Variants in PCDHGA9 observed in about 807,000 individuals in gnomAD.
PCDHGA9 encodes the protein protocadherin gamma-A9.
PCDHGA9 carries 37 observed loss-of-function variants against 62.5 expected under a neutral mutation model. The observed-to-expected ratio is 0.59, with a 90% CI of 0.46 to 0.78. PCDHGA9 has a LOEUF of 0.78. PCDHGA9 is among the 30% of genes least tolerant of loss of function. The pLI is 0.00. For missense variants in PCDHGA9, 1,138 were observed against 1,166.2 expected, an observed-to-expected ratio of 0.98 and a Z score of 0.35; for synonymous variants, 459 against 484.6, an observed-to-expected ratio of 0.95 and a Z score of 0.69.
chr5:141,494,815 G>T lies in PCDHGA9; in HGVS notation c.2433G>T (p.Pro811=). The change falls in exon 2 of 4, where the codon CCG becomes CCT. Residue 811 remains proline, a synonymous_variant. Transcript: ENST00000573521. ...CTCTGTTTTCTCCACAGCAAGCCCC[G>T]CCCAACACGGACTGGCGTTTCTCTC... The part of the protein sequence containing the change: ...IEDTPLVPQA[P]PNTDWRFSQA... 1.2e-6 allele frequency: 2 copies of T among 1,613,976 alleles called. No individual in the cohort carries two copies. The highest frequency in any genetic ancestry group is 1.1e-5 in the South Asian group (1 of 91,072).
chr5:141,405,494 A>G, intron 1 of PCDHGA9, 118 bp downstream of exon 1: 1 of 840,532 alleles, frequency 1.2e-6, no homozygotes, highest in Non-Finnish European at 1.8e-6. Context: ...ATCTCGGCTC[A>G]TTGCAACCTC....
At position 141,431,270 on chromosome 5, in the gene PCDHGA9, G is replaced by C. The variant is rs369177310; in HGVS notation, c.2424+25894G>C. 1.2e-5 allele frequency: 19 copies of C among 1,613,996 alleles called. No homozygotes were observed. Among genetic ancestry groups the C allele is most frequent in the Non-Finnish European group, 1.5e-5 (18 of 1,180,018 alleles). ...CGGGAAGAACTCTCTGCAGAGCTAC[G>C]AGCTCAGCCCGAACACTCACTTCTC... is the stretch of plus-strand genomic sequence containing the variant. On this transcript the variant is annotated intron_variant, in intron 1 of 3. Coordinates refer to ENST00000573521, the MANE Select transcript of PCDHGA9 (RefSeq NM_018921.3). This position sits in a 1 kb window ranked among gnomAD's most constrained non-coding sequence, Gnocchi z 4.8.
In PCDHGA9 at chr5:141,431,183, A is replaced by G. The variant is rs1467232519; in HGVS notation, c.2424+25807A>G. Reference sequence around the variant, plus strand: ...TCGTGAAAGTGAATTAGAAATAAAAATTAGTGAAAATGCAGCCACTGAGAT... The same window carrying G: ...TCGTGAAAGTGAATTAGAAATAAAAGTTAGTGAAAATGCAGCCACTGAGAT... On this transcript the variant is annotated intron_variant, in intron 1 of 3. Transcript: ENST00000573521. The surrounding 1 kb of genome is among the most constrained non-coding windows in gnomAD (Gnocchi z 4.8). 1 of 1,614,218 alleles carries G rather than the reference A, an allele frequency of 6.2e-7. No individual in the cohort carries two copies. The highest frequency in any genetic ancestry group is 2.2e-5 in the East Asian group (1 of 44,880).
chr5:141,418,360 G>T (rs544948410), intron 1 of PCDHGA9: 4 of 1,613,990 alleles, frequency 2.5e-6, no homozygotes, highest in Non-Finnish European at 3.4e-6. Flanking sequence ...TGAATTCGCT[G>T]AGCAAATACC....
intron 1 of PCDHGA9, chr5:141,422,952 C>A (rs759618535): frequency 6.2e-7 from 1 of 1,614,254 alleles, no homozygotes; most frequent in Non-Finnish European, 8.5e-7. Context: ...GCTCCACTGG[C>A]GTGGAGCTGG....
intron 1 of PCDHGA9, chr5:141,440,479 T>C (rs949675242): frequency 6.6e-6 from 1 of 152,172 alleles, no homozygotes; most frequent in African/African-American, 2.4e-5. Context: ...TTGAAAATTC[T>C]TTAAATGTTT....
At chr5:141,439,473 G>T (rs1414737627) in intron 1 of PCDHGA9, among the ~76,000 whole-genome samples, 2 of 152,202 alleles carry the variant, frequency 1.3e-5, no homozygotes, top group South Asian at 2.1e-4. Context: ...CTGCCTTTCA[G>T]CTTGCAAATT....
chr5:141,422,276 T>G, intron 1 of PCDHGA9: 3 of 1,558,820 alleles, frequency 1.9e-6, no homozygotes, highest in South Asian at 1.3e-5. Context: ...GAAATAACTA[T>G]CACCTCTTCT....
chr5:141,484,864 A>G, intron 1 of PCDHGA9: 1 of 263,722 alleles, frequency 3.8e-6, no homozygotes, highest in Non-Finnish European at 7.2e-6. Context: ...GGGGTGGGGG[A>G]GCGTGGAGGA....
In PCDHGA9 at chr5:141,404,524, G is replaced by GTTT; in HGVS notation, c.1573_1575dup (p.Phe525dup). The GTTT allele has an allele frequency of 4.3e-6, 7 of 1,613,938 alleles. No individual in the cohort carries two copies. Among genetic ancestry groups the GTTT allele is most frequent in the Non-Finnish European group, 5.9e-6 (7 of 1,179,810 alleles). ...CTCTGTGCTCCTTTGACTATGAGCA[G>GTTT]TTTAGAGATTTGCAAATGCAGGTGA... On this transcript the variant is annotated inframe_insertion, in exon 1 of 4. Transcript: ENST00000573521.
At chr5:141,505,353 G>A (rs376781305) in intron 2 of PCDHGA9, 40 bp from the exon 3 acceptor site, 51 of 1,613,426 alleles carry the variant, frequency 3.2e-5, no homozygotes, top group East Asian at 2.7e-4. Flanking sequence ...GAGCTGTGCC[G>A]GCCTGGGAGT....
intron 1 of PCDHGA9, among the ~76,000 whole-genome samples, chr5:141,456,052 C>T (rs2098841739): frequency 1.3e-5 from 2 of 151,970 alleles, no homozygotes; most frequent in South Asian, 4.1e-4. Flanking sequence ...CGCCCACCAC[C>T]ACGTCCGGCT....
rs201538255 is a variant in PCDHGA9 at position 141,476,796 on chromosome 5, G to A, written c.2425-18011G>A. 10 of 1,613,584 alleles carry A rather than the reference G, an allele frequency of 6.2e-6. No individual in the cohort carries two copies. In the East Asian group the frequency reaches 2.2e-4, roughly 36 times the overall value. On this transcript the variant is annotated intron_variant, in intron 1 of 3. Transcript: ENST00000573521. This position sits in a 1 kb window ranked among gnomAD's most constrained non-coding sequence, Gnocchi z 7.6. Reference sequence around the variant, plus strand: ...GGAGGGACCCCAGCTCTCTCCGCCAGCCTGCCTATTCACATCAAGGTGCTG... The same window carrying A: ...GGAGGGACCCCAGCTCTCTCCGCCAACCTGCCTATTCACATCAAGGTGCTG...
At chr5:141,500,991 C>T (rs2099804636) in intron 2 of PCDHGA9, among the ~76,000 whole-genome samples, 1 of 152,024 alleles carries the variant, frequency 6.6e-6, no homozygotes, top group South Asian at 2.1e-4. Flanking sequence ...GCCTCAGCCT[C>T]CTGAGTAGCT....
At chr5:141,456,342 G>A (rs1439003615) in intron 1 of PCDHGA9, among the ~76,000 whole-genome samples, 1 of 152,114 alleles carries the variant, frequency 6.6e-6, no homozygotes, top group African/African-American at 2.4e-5. Context: ...AAGGGTCCTC[G>A]GAAGAATGGC....
chr5:141,453,333 A>T (rs181261279), intron 1 of PCDHGA9, among the ~76,000 whole-genome samples: 3 of 151,914 alleles, frequency 2.0e-5, no homozygotes, highest in Admixed American at 1.3e-4. Context: ...GGGTCTCACT[A>T]TGTTTCCCCA....
chr5:141,409,217 G>T (rs1394491727), intron 1 of PCDHGA9: 3 of 1,613,852 alleles, frequency 1.9e-6, no homozygotes, highest in Non-Finnish European at 2.5e-6. Flanking sequence ...AGAAATCCTT[G>T]ATGAAAACGA....
intron 2 of PCDHGA9, among the ~76,000 whole-genome samples, chr5:141,501,719 T>C (rs1024307894): frequency 6.6e-6 from 1 of 152,028 alleles, no homozygotes; most frequent in African/African-American, 2.4e-5. Context: ...AAAAGACAAA[T>C]ATATTACCCA....
rs1404333144 is a variant in PCDHGA9, at chr5:141,404,248, G to C, written c.1296G>C (p.Leu432=). ...CAACAGACAGAGGAACTCCGCCCCT[G>C]TCCACAGAAATTCACATCACCCTGC... is the stretch of plus-strand genomic sequence containing the variant. ...VTATDRGTPP[L]STEIHITLQV... The change falls in exon 1 of 4, where the codon CTG becomes CTC. Residue 432 remains leucine (L), a synonymous_variant. Coordinates refer to ENST00000573521, the MANE Select transcript of PCDHGA9 (RefSeq NM_018921.3). The C allele has an allele frequency of 6.2e-6, 10 of 1,613,694 alleles. No individual in the cohort carries two copies. The highest frequency in any genetic ancestry group is 1.1e-5 in the South Asian group (1 of 91,064).
Sources: allele counts gnomAD v4.1 joint callset (sites outside exome capture counted in the v4.1 genomes callset), GRCh38; gene constraint gnomAD v4.1.1; non-coding constraint Gnocchi (gnomAD v3.1); transcripts MANE v1.5; gene names NCBI Gene and HGNC (gene_info 2026-07-23, HGNC 2026-07-21).